Variants in THSD7A observed in about 807,000 individuals in gnomAD.
THSD7A encodes thrombospondin type-1 domain-containing protein 7A.
In THSD7A, 96 loss-of-function variants were observed where a neutral mutation model predicts 231.3. That is an observed-to-expected ratio of 0.41 (90% CI 0.35 to 0.49). The LOEUF (loss-of-function observed/expected upper bound fraction) is 0.49, where lower values mean the gene tolerates loss of function less well. Among genes scored for constraint, THSD7A ranks in the 20% least tolerant of loss-of-function variants. The pLI is 0.05. For synonymous variants in THSD7A, 940 were observed against 743.3 expected (o/e 1.26, Z -4.30); for missense variants, 2,290 against 2,070.2 (o/e 1.11, Z -2.06).
At chr7:11,617,232 G>C (rs1781138504) in intron 2 of THSD7A, among the ~76,000 whole-genome samples, 1 of 152,092 alleles carries the variant, frequency 6.6e-6, no homozygotes, top group Non-Finnish European at 1.5e-5. Context: ...GACAGGAAAA[G>C]TACAATACAT....
chr7:11,527,897 T>C (rs1199997362), intron 6 of THSD7A, among the ~76,000 whole-genome samples: 1 of 152,170 alleles, frequency 6.6e-6, no homozygotes, highest in Non-Finnish European at 1.5e-5. Flanking sequence ...CTCATGCCTC[T>C]AATTCCAGCA....
At chr7:11,706,630 C>CTTTTTGTTTTTTTTTTTTTTTTTTT (rs1780776748) in intron 1 of THSD7A, among the ~76,000 whole-genome samples, 1 of 66,420 alleles carries the variant, frequency 1.5e-5, no homozygotes, top group Non-Finnish European at 2.7e-5. Flanking sequence ...TAACAAGGTG[C>CTTTTTGTTTTTTTTTTTTTTTTTTT]TTTTTTTTTT....
intron 1 of THSD7A, among the ~76,000 whole-genome samples, chr7:11,688,452 T>A (rs1200677017): frequency 6.6e-6 from 1 of 151,492 alleles, no homozygotes. Flanking sequence ...ACACCAAGAG[T>A]GCATATAATC....
intron 13 of THSD7A, among the ~76,000 whole-genome samples, chr7:11,430,078 GAGA>G (rs1784433741): frequency 6.6e-6 from 1 of 152,178 alleles, no homozygotes; most frequent in Non-Finnish European, 1.5e-5. Context: ...TGAATGTGGA[GAGA>G]AGGTGTTCTT....
intron 4 of THSD7A, among the ~76,000 whole-genome samples, chr7:11,547,976 C>G (rs1789467597): frequency 6.6e-6 from 1 of 152,056 alleles, no homozygotes; most frequent in African/African-American, 2.4e-5. Flanking sequence ...GAAAGTGACA[C>G]CAAAGCCAGC....
At chr7:11,466,408 G>T (rs1019360017) in intron 9 of THSD7A, among the ~76,000 whole-genome samples, 2 of 151,980 alleles carry the variant, frequency 1.3e-5, no homozygotes. Flanking sequence ...ACAACAAAAG[G>T]CTAGCTTTCT....
At chr7:11,579,378 A>T (rs1037730998) in intron 4 of THSD7A, among the ~76,000 whole-genome samples, 1 of 152,224 alleles carries the variant, frequency 6.6e-6, no homozygotes, top group Non-Finnish European at 1.5e-5. Context: ...CTCTGAAAAA[A>T]TGCTACTCAT....
intron 1 of THSD7A, among the ~76,000 whole-genome samples, chr7:11,757,675 CAG>C (rs1782729247): frequency 6.6e-6 from 1 of 151,900 alleles, no homozygotes; most frequent in South Asian, 2.1e-4. Flanking sequence ...AAGTAACTGA[CAG>C]ATTATAAGTT....
At chr7:11,786,983 T>C (rs531827720) in intron 1 of THSD7A, among the ~76,000 whole-genome samples, 4 of 152,072 alleles carry the variant, frequency 2.6e-5, no homozygotes, top group South Asian at 2.1e-4. Context: ...AAAGAGTTCA[T>C]ATAAATTTTA....
At chr7:11,429,270 G>A (rs1784410504) in intron 13 of THSD7A, 145 bp from the exon 14 acceptor site, 2 of 700,726 alleles carry the variant, frequency 2.9e-6, no homozygotes, top group Admixed American at 7.5e-5. Flanking sequence ...TAAGGGACTT[G>A]AATTAAATTC....
At chr7:11,767,436 T>C (rs1214855125) in intron 1 of THSD7A, among the ~76,000 whole-genome samples, 1 of 152,190 alleles carries the variant, frequency 6.6e-6, no homozygotes, top group Non-Finnish European at 1.5e-5. Context: ...CCTGTTCCCT[T>C]AGCCAGGAAC....
chr7:11,516,205 TC>T (rs1355822202), intron 6 of THSD7A, among the ~76,000 whole-genome samples: 12 of 152,168 alleles, frequency 7.9e-5, no homozygotes, highest in Non-Finnish European at 1.5e-4. Context: ...GCAAATAGGT[TC>T]AAACCCAAAA....
intron 17 of THSD7A, among the ~76,000 whole-genome samples, 168 bp from the exon 18 acceptor site, chr7:11,412,968 T>C (rs1260814511): frequency 6.6e-6 from 1 of 152,132 alleles, no homozygotes; most frequent in South Asian, 2.1e-4. Flanking sequence ...AATGAAGGTG[T>C]TGAATGAGAT....
rs866925097 is a variant in THSD7A at position 11,630,609 on chromosome 7, C to T, written c.1022+5521G>A. 1.4e-4 allele frequency among the ~76,000 whole-genome samples: 22 copies of T among 152,220 alleles called. 1 individual carries two copies. The highest frequency in any genetic ancestry group is 3.4e-3 in the Middle Eastern group (1 of 294). ...TAGCCAACAGAAATCTGTTTAAAAT[C>T]CTAAATCTGTCTTATTCCCTCAGGA... On this transcript the variant is annotated intron_variant, in intron 2 of 27. Transcript: ENST00000423059.
intron 1 of THSD7A, among the ~76,000 whole-genome samples, chr7:11,679,394 A>G (rs1783775873): frequency 1.3e-5 from 2 of 152,190 alleles, no homozygotes; most frequent in African/African-American, 4.8e-5. Context: ...AAATAGGAAA[A>G]TCGGAAGTCA....
chr7:11,432,531 A>ACTT (rs1784508814), intron 13 of THSD7A, among the ~76,000 whole-genome samples: 1 of 152,100 alleles, frequency 6.6e-6, no homozygotes, highest in African/African-American at 2.4e-5. Context: ...GAATAGTTTT[A>ACTT]CTTTTTAAAA....
chr7:11,769,244 GC>G (rs1783149670), intron 1 of THSD7A, among the ~76,000 whole-genome samples: 1 of 146,200 alleles, frequency 6.8e-6, no homozygotes, highest in Admixed American at 7.0e-5. Context: ...TGATCTGCCT[GC>G]CTCGGCCTCC....
At position 11,636,641 on chromosome 7, in the gene THSD7A, C is replaced by A. The variant is rs1364767446; in HGVS notation, c.511G>T (p.Asp171Tyr). 6 of 1,613,872 alleles carry A rather than the reference C, an allele frequency of 3.7e-6. No individual in the cohort carries two copies. The highest frequency in any genetic ancestry group is 1.1e-5 in the South Asian group (1 of 91,074). Reference protein sequence around the residue: ...IQKDKDIPAEDIICEYFEPKP... With the variant: ...IQKDKDIPAEYIICEYFEPKP... ...GGCTCAAAGTACTCACAGATGATAT[C>A]CTCCGCAGGAATGTCTTTGTCTTTC... is the stretch of plus-strand genomic sequence containing the variant. The change falls in exon 2 of 28, where the codon GAT (aspartate) becomes TAT (tyrosine). Residue 171 changes from aspartate (D) to tyrosine (Y), a missense_variant. By Grantham distance (160) the Asp-to-Tyr change is radical. Transcript: ENST00000423059. The surrounding 1 kb of genome is among the most constrained non-coding windows in gnomAD (Gnocchi z 10.0).
intron 1 of THSD7A, among the ~76,000 whole-genome samples, chr7:11,706,692 T>A (rs572565255): frequency 1.4e-5 from 2 of 146,418 alleles, no homozygotes; most frequent in African/African-American, 4.9e-5. Context: ...CACATTTGCT[T>A]CTTAAATCAT....
Sources: gnomAD v4.1 joint callset for allele counts (sites outside exome capture counted in the v4.1 genomes callset) on GRCh38, gnomAD v4.1.1 for gene constraint, Gnocchi (gnomAD v3.1) non-coding constraint, MANE v1.5 for transcripts, NCBI Gene and HGNC (gene_info 2026-07-23, HGNC 2026-07-21) for gene names.